DNAH7: variants seen among roughly 807,000 people sequenced by gnomAD.
DNAH7 encodes the protein dynein axonemal heavy chain 7, also known as axonemal beta dynein heavy chain 7.
In DNAH7, 397 loss-of-function variants were observed where a neutral mutation model predicts 444.6. The observed-to-expected ratio is 0.89, with a 90% CI of 0.82 to 0.97. The LOEUF is 0.97. Ranked by LOEUF, DNAH7 falls within the 50% of genes least tolerant of loss-of-function variation. The probability of loss-of-function intolerance (pLI) is 0.00; values close to 1 mark genes in which losing one functional copy is unlikely to be tolerated. For synonymous variants in DNAH7, 1,636 were observed against 1,624.4 expected, an observed-to-expected ratio of 1.01 and a Z score of -0.17; for missense variants, 4,902 against 4,800.8, an observed-to-expected ratio of 1.02 and a Z score of -0.62.
At chr2:195,985,693 T>G (rs1314219365) in intron 14 of DNAH7, among the ~76,000 whole-genome samples, 1 of 152,084 alleles carries the variant, frequency 6.6e-6, no homozygotes, top group Non-Finnish European at 1.5e-5. Context: ...TGGGAAAAAG[T>G]AGAACTGGCA....
chr2:195,858,415 A>G (rs1699837043), intron 43 of DNAH7, 59 bp downstream of exon 43: 1 of 1,365,798 alleles, frequency 7.3e-7, no homozygotes, highest in South Asian at 1.6e-5. Flanking sequence ...ACACAATGCT[A>G]ATTTCTTTCT....
intron 47 of DNAH7, among the ~76,000 whole-genome samples, chr2:195,836,874 T>C (rs967467681): frequency 1.3e-5 from 2 of 152,210 alleles, no homozygotes; most frequent in Non-Finnish European, 1.5e-5. Context: ...CCTATGTTCA[T>C]CCTGTTTATT....
chr2:196,002,734 G>T (rs889112783), intron 10 of DNAH7, among the ~76,000 whole-genome samples: 9 of 152,168 alleles, frequency 5.9e-5, no homozygotes, highest in African/African-American at 2.2e-4. Context: ...TCGGCTGGGT[G>T]CAGTGGCTCA....
chr2:195,853,410 G>C lies in DNAH7; in HGVS notation c.8714C>G (p.Thr2905Ser). ...LELGQLYINL[T>S]GDILISSGVV... is the part of the protein sequence containing the mutation. ...TCCGGAGGAAATGAGGATATCCCCA[G>C]TCAAGTTGATGTACAGCTGACCTAG... The change falls in exon 46 of 65, where the codon ACT (threonine) becomes AGT (serine). Residue 2905 changes from threonine to serine, a missense_variant. Transcript: ENST00000312428. 2 of 1,614,120 alleles carry C rather than the reference G, an allele frequency of 1.2e-6. No individual in the cohort carries two copies.
rs867709203 is a variant in DNAH7 at position 195,835,612 on chromosome 2, G to A, written c.8946-1252C>T. ...TGTAATCCCAGCACTTTCGGAGGCC[G>A]AGGTAGGCGGATCATGGGGTCAGGA... is the stretch of plus-strand genomic sequence containing the variant. On this transcript the variant is annotated intron_variant, in intron 47 of 64. Coordinates refer to ENST00000312428, the MANE Select transcript of DNAH7 (RefSeq NM_018897.3). Among the ~76,000 whole-genome samples, 10 of 152,202 alleles carry A rather than the reference G, an allele frequency of 6.6e-5. No homozygotes were observed. The South Asian group carries it at 1.7e-3, about 25-fold the overall frequency.
intron 3 of DNAH7, among the ~76,000 whole-genome samples, chr2:196,050,970 A>T (rs1697429893): frequency 6.6e-6 from 1 of 152,240 alleles, no homozygotes; most frequent in Admixed American, 6.5e-5. Flanking sequence ...CAAGTCGTTC[A>T]TTCAGAATAC....
chr2:195,794,598 CA>C, intron 56 of DNAH7, 60 bp from the exon 57 acceptor site: 1 of 1,512,088 alleles, frequency 6.6e-7, no homozygotes, highest in African/African-American at 1.4e-5. Flanking sequence ...ATCTCAAAAG[CA>C]TACATATGAA....
intron 9 of DNAH7, among the ~76,000 whole-genome samples, chr2:196,014,197 C>G (rs923616613): frequency 6.6e-6 from 1 of 152,028 alleles, no homozygotes; most frequent in African/African-American, 2.4e-5. Context: ...CTACAATAAC[C>G]CAGCAGTGAA....
At chr2:196,020,561 C>T (rs1325090289) in intron 8 of DNAH7, among the ~76,000 whole-genome samples, 1 of 150,624 alleles carries the variant, frequency 6.6e-6, no homozygotes, top group Non-Finnish European at 1.5e-5. Flanking sequence ...AAAATGGGTA[C>T]ATAACTTTTT....
At chr2:196,048,486 CACAG>C in intron 3 of DNAH7, 82 bp from the exon 4 acceptor site, 4 of 1,129,116 alleles carry the variant, frequency 3.5e-6, no homozygotes, top group Non-Finnish European at 5.2e-6. Context: ...TGTTTATAAA[CACAG>C]ACATTTTCTC....
intron 35 of DNAH7, 68 bp from the exon 36 acceptor site, chr2:195,882,060 C>T: frequency 7.4e-7 from 1 of 1,356,870 alleles, no homozygotes; most frequent in Non-Finnish European, 1.0e-6. Flanking sequence ...ACTCCTGTGC[C>T]ATTGTAGAAA....
intron 34 of DNAH7, among the ~76,000 whole-genome samples, chr2:195,885,803 G>C (rs1039936478): frequency 3.3e-5 from 5 of 152,130 alleles, no homozygotes; most frequent in African/African-American, 4.8e-5. Flanking sequence ...AATTATTATA[G>C]TTTGGAAAGG....
chr2:195,907,161 T>C lies in DNAH7; in HGVS notation c.4105-152A>G, dbSNP rs1291889729. On this transcript the variant is annotated intron_variant, in intron 25 of 64. Coordinates refer to ENST00000312428, the MANE Select transcript of DNAH7 (RefSeq NM_018897.3). ...TCTTTAAAGGCAGCTGATTTTTTCA[T>C]TATCAATTCATTATTCTGCACGAAT... The C allele has an allele frequency of 6.7e-6, 4 of 593,222 alleles. No homozygotes were observed. The South Asian group carries it at 1.0e-4, about 15-fold the overall frequency. The allele number at this position is 593,222 out of a possible 1,614,324, so 36.7% of individuals were successfully genotyped here.
At chr2:195,782,272 G>C (rs1423433064) in intron 58 of DNAH7, among the ~76,000 whole-genome samples, 1 of 152,058 alleles carries the variant, frequency 6.6e-6, no homozygotes, top group Non-Finnish European at 1.5e-5. Flanking sequence ...ATGTCAAAGG[G>C]AGCTATGAAT....
At chr2:196,060,024 G>A (rs1698048056) in intron 1 of DNAH7, among the ~76,000 whole-genome samples, 1 of 152,092 alleles carries the variant, frequency 6.6e-6, no homozygotes, top group Non-Finnish European at 1.5e-5. Flanking sequence ...AACCATCCTG[G>A]CTAACACGGT....
At chr2:195,997,648 G>A (rs541836866) in intron 12 of DNAH7, among the ~76,000 whole-genome samples, 7 of 151,908 alleles carry the variant, frequency 4.6e-5, no homozygotes, top group South Asian at 4.2e-4. Context: ...CTCATGGTGC[G>A]TTAACCCATT....
At chr2:195,873,539 T>TA (rs554816228) in intron 39 of DNAH7, 29 bp downstream of exon 39, 15,886 of 1,058,550 alleles carry the variant, frequency 0.015, 2 homozygotes, top group South Asian at 0.021. Flanking sequence ...ACCTCCTAAT[T>TA]AAAAAAAAAA....
chr2:195,861,580 T>G (rs1168544708), intron 42 of DNAH7, 137 bp downstream of exon 42: 2 of 680,470 alleles, frequency 2.9e-6, no homozygotes, highest in African/African-American at 3.6e-5. Context: ...GTCTGTGGAT[T>G]AAATAATTTA....
intron 63 of DNAH7, among the ~76,000 whole-genome samples, chr2:195,742,253 G>A (rs770004716): frequency 1.3e-5 from 2 of 152,252 alleles, no homozygotes; most frequent in African/African-American, 2.4e-5. Context: ...AAAACAGGTG[G>A]GGATAGGGCA....
Sources: allele counts gnomAD v4.1 joint callset (sites outside exome capture counted in the v4.1 genomes callset), GRCh38; gene constraint gnomAD v4.1.1; transcripts MANE v1.5; gene names NCBI Gene and HGNC (gene_info 2026-07-23, HGNC 2026-07-21).